The following PRKG1 variants were observed in gnomAD, a reference collection of about 807,000 sequenced individuals.
PRKG1 encodes cGMP-dependent protein kinase 1.
A neutral mutation model predicts 88.1 loss-of-function variants in PRKG1; 35 were observed. That is an observed-to-expected ratio of 0.40 (90% confidence interval 0.30 to 0.53). The LOEUF is 0.53. Ranked by LOEUF, PRKG1 falls within the 20% of genes least tolerant of loss-of-function variation. The probability of loss-of-function intolerance (pLI) is 0.59; values close to 1 mark genes in which losing one functional copy is unlikely to be tolerated. For synonymous variants in PRKG1, 303 were observed against 292.5 expected, an observed-to-expected ratio of 1.04 and a Z score of -0.37; for missense variants, 540 against 839.8, an observed-to-expected ratio of 0.64 and a Z score of 4.41.
At chr10:51,786,135 G>A (rs1419707830) in intron 3 of PRKG1, among the ~76,000 whole-genome samples, 5 of 152,120 alleles carry the variant, frequency 3.3e-5, no homozygotes, top group Non-Finnish European at 7.4e-5. Context: ...GGAATAAACA[G>A]TATCAATGAA....
At chr10:50,992,578 G>T (rs2132706685) in intron 1 of PRKG1, among the ~76,000 whole-genome samples, 1 of 152,170 alleles carries the variant, frequency 6.6e-6, no homozygotes, top group East Asian at 1.9e-4. Flanking sequence ...GACGCCTCTG[G>T]GCTCCTTCCT....
At chr10:51,736,087 T>C (rs1429735187) in intron 3 of PRKG1, among the ~76,000 whole-genome samples, 1 of 151,582 alleles carries the variant, frequency 6.6e-6, no homozygotes, top group African/African-American at 2.4e-5. Context: ...CTATGGGGTT[T>C]TGCCATGTTG....
intron 2 of PRKG1, among the ~76,000 whole-genome samples, chr10:51,255,840 A>T (rs1839544049): frequency 6.6e-6 from 1 of 152,098 alleles, no homozygotes. Flanking sequence ...GTGAACGTCA[A>T]CTTACTAAAG....
intron 5 of PRKG1, among the ~76,000 whole-genome samples, chr10:51,939,316 A>G (rs1842856941): frequency 6.6e-6 from 1 of 152,024 alleles, no homozygotes; most frequent in Non-Finnish European, 1.5e-5. Context: ...CATACGGCCA[A>G]ATTGAGAATC....
At chr10:51,860,709 A>C (rs1840852481) in intron 4 of PRKG1, among the ~76,000 whole-genome samples, 1 of 152,178 alleles carries the variant, frequency 6.6e-6, no homozygotes, top group Non-Finnish European at 1.5e-5. Flanking sequence ...GATGTTTTTA[A>C]AAAAATAGAA....
At chr10:51,744,927 G>A (rs1837538531) in intron 3 of PRKG1, among the ~76,000 whole-genome samples, 1 of 152,148 alleles carries the variant, frequency 6.6e-6, no homozygotes. Flanking sequence ...CCAGCTAAGA[G>A]ATTTTGAAAT....
chr10:51,937,081 A>G (rs773059122), intron 5 of PRKG1, among the ~76,000 whole-genome samples: 18 of 152,004 alleles, frequency 1.2e-4, no homozygotes, highest in Non-Finnish European at 2.6e-4. Flanking sequence ...TACACTCTAG[A>G]GTTGGAAAAC....
At chr10:51,526,804 C>G (rs1443286620) in intron 3 of PRKG1, among the ~76,000 whole-genome samples, 2 of 152,144 alleles carry the variant, frequency 1.3e-5, no homozygotes, top group African/African-American at 2.4e-5. Context: ...ATTCTTTTAT[C>G]CAGCATTTTC....
At chr10:51,131,342 A>C (rs76247771) in intron 1 of PRKG1, among the ~76,000 whole-genome samples, 438 of 152,358 alleles carry the variant, frequency 2.9e-3, no homozygotes, top group African/African-American at 0.01. Flanking sequence ...GGCCTCAAAA[A>C]TCTAATTATC....
At chr10:52,074,033 A>ATTG (rs71032622) in intron 7 of PRKG1, among the ~76,000 whole-genome samples, 34,514 of 151,958 alleles carry the variant, frequency 0.23, 4,302 homozygotes, top group South Asian at 0.3. Context: ...CAAAAAAATT[A>ATTG]TTGTTGCTGT....
chr10:51,210,037 T>C (rs1247535291), intron 2 of PRKG1, among the ~76,000 whole-genome samples: 1 of 151,972 alleles, frequency 6.6e-6, no homozygotes, highest in African/African-American at 2.4e-5. Context: ...TTTCTCGCAA[T>C]AAAAAAATGA....
At chr10:51,207,505 AT>A (rs541934470) in intron 2 of PRKG1, among the ~76,000 whole-genome samples, 20 of 151,182 alleles carry the variant, frequency 1.3e-4, no homozygotes, top group Non-Finnish European at 2.5e-4. Flanking sequence ...CCTTATTATT[AT>A]TTTTTTTTAA....
At chr10:51,870,970 G>A (rs184484397) in intron 4 of PRKG1, among the ~76,000 whole-genome samples, 2 of 152,226 alleles carry the variant, frequency 1.3e-5, no homozygotes, top group Non-Finnish European at 2.9e-5. Context: ...CCCTAGGCAA[G>A]CTGAACTCTT....
intron 7 of PRKG1, among the ~76,000 whole-genome samples, chr10:52,124,665 TA>T (rs1201613906): frequency 1.3e-5 from 2 of 152,176 alleles, no homozygotes; most frequent in Non-Finnish European, 2.9e-5. Context: ...TAGCTTATTG[TA>T]ATTTTTTACT....
chr10:51,335,573 C>T (rs1346996654), intron 2 of PRKG1, among the ~76,000 whole-genome samples: 1 of 151,836 alleles, frequency 6.6e-6, no homozygotes, highest in African/African-American at 2.4e-5. Context: ...GCTCTGTTCC[C>T]CAGGCTGGAG....
chr10:52,281,753 CA>C (rs1371964432), intron 13 of PRKG1, among the ~76,000 whole-genome samples: 1 of 152,084 alleles, frequency 6.6e-6, no homozygotes, highest in African/African-American at 2.4e-5. Flanking sequence ...TTGTCGCCTT[CA>C]TTAAATCCAG....
chr10:51,969,126 G>T (rs1273363840), intron 5 of PRKG1, among the ~76,000 whole-genome samples: 2 of 152,130 alleles, frequency 1.3e-5, no homozygotes, highest in African/African-American at 4.8e-5. Context: ...AGTAATATTT[G>T]TGTGTGCTCA....
At chr10:51,996,326 A>G (rs1844442090) in intron 5 of PRKG1, among the ~76,000 whole-genome samples, 1 of 150,102 alleles carries the variant, frequency 6.7e-6, no homozygotes, top group Non-Finnish European at 1.5e-5. Context: ...AAAAAAAAAA[A>G]AAAAAAAAAA....
intron 5 of PRKG1, among the ~76,000 whole-genome samples, chr10:52,000,506 G>A (rs561348180): frequency 6.7e-4 from 102 of 152,104 alleles, no homozygotes; most frequent in African/African-American, 2.4e-3. Context: ...GCATTTACAC[G>A]AACATGGCCT....
Sources: allele counts gnomAD v4.1 joint callset (sites outside exome capture counted in the v4.1 genomes callset), GRCh38; gene constraint gnomAD v4.1.1; transcripts MANE v1.5; gene names NCBI Gene and HGNC (gene_info 2026-07-23, HGNC 2026-07-21).